The following SHISA9 variants were observed in gnomAD, a reference collection of about 807,000 sequenced individuals.
SHISA9 encodes shisa family member 9.
A neutral mutation model predicts 38.0 loss-of-function variants in SHISA9; 13 were observed. The ratio of observed to expected loss-of-function variants is 0.34; its 90% confidence interval spans 0.22 to 0.54. The LOEUF is 0.54. SHISA9 is among the 20% of genes least tolerant of loss of function. The probability of loss-of-function intolerance (pLI) is 0.91; values close to 1 mark genes in which losing one functional copy is unlikely to be tolerated. For missense variants in SHISA9, 538 were observed against 575.8 expected, an observed-to-expected ratio of 0.93 and a Z score of 0.67; for synonymous variants, 275 against 242.0, an observed-to-expected ratio of 1.14 and a Z score of -1.27.
At chr16:13,034,573 C>A (rs533813290) in intron 2 of SHISA9, among the ~76,000 whole-genome samples, 2 of 152,246 alleles carry the variant, frequency 1.3e-5, no homozygotes, top group African/African-American at 4.8e-5. Context: ...TAATGATAGA[C>A]CCAATTCTTC....
In SHISA9 at chr16:13,021,599, C is replaced by T. The variant is rs140770537; in HGVS notation, c.691+104784C>T. On this transcript the variant is annotated intron_variant, in intron 2 of 4. Coordinates refer to ENST00000558583, the MANE Select transcript of SHISA9 (RefSeq NM_001145204.3). ...TCTCTTTCATAAAAGGCAGGAAGGCCGGGAGCAGGATGAAGAAGAAACGGT... is the reference window on the plus strand; with the variant it reads ...TCTCTTTCATAAAAGGCAGGAAGGCTGGGAGCAGGATGAAGAAGAAACGGT... Among the ~76,000 whole-genome samples, 7 of 152,202 alleles carry T rather than the reference C, an allele frequency of 4.6e-5. No individual in the cohort carries two copies. In the East Asian group the frequency reaches 5.8e-4, roughly 13 times the overall value.
At chr16:13,044,814 C>T (rs1344794353) in intron 2 of SHISA9, among the ~76,000 whole-genome samples, 2 of 152,204 alleles carry the variant, frequency 1.3e-5, no homozygotes, top group African/African-American at 4.8e-5. Flanking sequence ...GCTAAGTGAT[C>T]ACTTAAAGCC....
chr16:13,049,184 G>C (rs186370329), intron 2 of SHISA9, among the ~76,000 whole-genome samples: 2 of 149,654 alleles, frequency 1.3e-5, no homozygotes, highest in African/African-American at 2.5e-5. Flanking sequence ...GTGTGTGTGT[G>C]TGTGTGTGTG....
At chr16:13,192,108 T>G (rs1343959930) in intron 2 of SHISA9, among the ~76,000 whole-genome samples, 1 of 152,132 alleles carries the variant, frequency 6.6e-6, no homozygotes, top group Admixed American at 6.5e-5. Context: ...TTTTTCTAAG[T>G]GAACTAACTC....
chr16:13,177,369 G>C (rs1278457827), intron 2 of SHISA9, among the ~76,000 whole-genome samples: 1 of 152,018 alleles, frequency 6.6e-6, no homozygotes, highest in Non-Finnish European at 1.5e-5. Context: ...TGATCCTGTT[G>C]TGCAGACTCC....
chr16:13,239,653 T>A lies in SHISA9; in HGVS notation c.*4244T>A, dbSNP rs1365254778. 1 of 152,246 alleles carries A rather than the reference T, an allele frequency of 6.6e-6. No individual in the cohort carries two copies. Among genetic ancestry groups the A allele is most frequent in the East Asian group, 1.9e-4 (1 of 5,204 alleles). 9.4% of individuals were successfully genotyped at this position (152,246 alleles called of 1,614,324 possible). Reference sequence around the variant, plus strand: ...ATGTCTTTTGAGAAGTGTCTGTTCATATCCTTCGCCCACTTTTTGATGGGG... The same window carrying A: ...ATGTCTTTTGAGAAGTGTCTGTTCAAATCCTTCGCCCACTTTTTGATGGGG... On this transcript the variant is annotated 3_prime_UTR_variant, in exon 5 of 5. Transcript: ENST00000558583.
the SHISA9 span, among the ~76,000 whole-genome samples, chr16:13,491,175 A>G: frequency 6.6e-6 from 1 of 152,112 alleles, no homozygotes; most frequent in African/African-American, 2.4e-5. Flanking sequence ...CAGAATTTGA[A>G]CTCTGCTCTC....
chr16:13,040,814 T>A (rs923793202), intron 2 of SHISA9, among the ~76,000 whole-genome samples: 7 of 150,638 alleles, frequency 4.6e-5, no homozygotes, highest in African/African-American at 1.5e-4. Context: ...ATAATACACC[T>A]GGTTTGTAGA....
intron 4 of SHISA9, among the ~76,000 whole-genome samples, chr16:13,232,188 A>G (rs932742037): frequency 1.4e-4 from 21 of 152,248 alleles, no homozygotes; most frequent in Non-Finnish European, 2.6e-4. Context: ...ACGTGTGGAT[A>G]AAAGAGCAAA....
the SHISA9 span, among the ~76,000 whole-genome samples, chr16:13,394,359 A>G: frequency 2.0e-5 from 3 of 152,194 alleles, no homozygotes; most frequent in African/African-American, 7.2e-5. Flanking sequence ...TATTGCTGCC[A>G]AAGCTGACTG....
At chr16:13,305,541 T>G in the SHISA9 span, among the ~76,000 whole-genome samples, 1 of 152,230 alleles carries the variant, frequency 6.6e-6, no homozygotes, top group Non-Finnish European at 1.5e-5. Flanking sequence ...CTTGCTCTGC[T>G]GGAATCCAGT....
At chr16:13,232,750 A>G (rs141572982) in intron 4 of SHISA9, among the ~76,000 whole-genome samples, 2,281 of 152,174 alleles carry the variant, frequency 0.015, 22 homozygotes, top group Non-Finnish European at 0.02. Context: ...CTGGTTGACA[A>G]TTGGTTGAGT....
the SHISA9 span, among the ~76,000 whole-genome samples, chr16:13,542,854 G>C: frequency 3.3e-5 from 5 of 152,168 alleles, no homozygotes; most frequent in African/African-American, 1.2e-4. Context: ...TCAACTGAGA[G>C]CGTTTCTGTC....
chr16:13,312,386 A>G, the SHISA9 span, among the ~76,000 whole-genome samples: 2 of 152,212 alleles, frequency 1.3e-5, no homozygotes, highest in African/African-American at 4.8e-5. Flanking sequence ...TGAAACTAAT[A>G]TAAACTAATC....
At chr16:12,975,650 C>CGGGGG (rs796430576) in intron 2 of SHISA9, among the ~76,000 whole-genome samples, 3 of 8,186 alleles carry the variant, frequency 3.7e-4, no homozygotes, top group African/African-American at 6.8e-4. Context: ...TGGGGTGGGA[C>CGGGGG]GGGGGCGGGG....
intron 2 of SHISA9, among the ~76,000 whole-genome samples, chr16:12,969,172 A>C (rs2072021374): frequency 6.6e-6 from 1 of 151,676 alleles, no homozygotes; most frequent in Non-Finnish European, 1.5e-5. Flanking sequence ...AAAAAAAAAA[A>C]AAGAAAAAAA....
chr16:12,979,026 C>G (rs8063117), intron 2 of SHISA9, among the ~76,000 whole-genome samples: 1 of 152,070 alleles, frequency 6.6e-6, no homozygotes, highest in African/African-American at 2.4e-5. Context: ...TCGTTATACA[C>G]CTTGACTCAT....
At chr16:13,223,058 A>T (rs1227214933) in intron 4 of SHISA9, among the ~76,000 whole-genome samples, 1 of 152,080 alleles carries the variant, frequency 6.6e-6, no homozygotes, top group Non-Finnish European at 1.5e-5. Flanking sequence ...AAGCTTAGAG[A>T]TTTGAACCCA....
At chr16:13,017,620 G>A (rs1442507324) in intron 2 of SHISA9, among the ~76,000 whole-genome samples, 3 of 152,096 alleles carry the variant, frequency 2.0e-5, no homozygotes, top group Admixed American at 2.0e-4. Flanking sequence ...GCACTGTGCT[G>A]AATGCTTTCC....
Sources: gnomAD v4.1 joint callset for allele counts (sites outside exome capture counted in the v4.1 genomes callset) on GRCh38, gnomAD v4.1.1 for gene constraint, MANE v1.5 for transcripts, NCBI Gene and HGNC (gene_info 2026-07-23, HGNC 2026-07-21) for gene names.